MYO1E: variants seen among roughly 807,000 people sequenced by gnomAD.
MYO1E encodes myosin IE.
MYO1E carries 68 observed loss-of-function variants against 151.1 expected under a neutral mutation model. That is an observed-to-expected ratio of 0.45 (90% CI 0.37 to 0.55). MYO1E has a LOEUF of 0.55. MYO1E is among the 20% of genes least tolerant of loss of function. The pLI, the probability that MYO1E is intolerant of heterozygous loss-of-function variation, is 0.00. For missense variants in MYO1E, 1,363 were observed against 1,389.3 expected, an observed-to-expected ratio of 0.98 and a Z score of 0.30; for synonymous variants, 601 against 501.7, an observed-to-expected ratio of 1.20 and a Z score of -2.64.
At chr15:59,221,004 TATATA>T (rs2079952170) in intron 9 of MYO1E, among the ~76,000 whole-genome samples, 1 of 144,654 alleles carries the variant, frequency 6.9e-6, no homozygotes, top group Non-Finnish European at 1.5e-5. Flanking sequence ...TATAATTATA[TATATA>T]ATATATATAT....
intron 1 of MYO1E, among the ~76,000 whole-genome samples, chr15:59,319,550 C>CTTTTTTTTTCTTTTTTTTTTTTTTTT (rs2080611671): frequency 3.1e-5 from 2 of 63,680 alleles, no homozygotes; most frequent in Non-Finnish European, 3.6e-5. Context: ...GTCAAACTAC[C>CTTTTTTTTTCTTTTTTTTTTTTTTTT]TTTTTTTTTT....
chr15:59,287,990 G>T (rs1295011809), intron 1 of MYO1E, among the ~76,000 whole-genome samples: 1 of 152,242 alleles, frequency 6.6e-6, no homozygotes, highest in African/African-American at 2.4e-5. Context: ...GTGCAGCGAA[G>T]GCGCTCAGCG....
chr15:59,186,405 T>A (rs11631462), intron 18 of MYO1E, among the ~76,000 whole-genome samples: 94,871 of 142,080 alleles, frequency 0.67, 30,253 homozygotes, highest in Non-Finnish European at 0.71. Context: ...ATCTGAATTT[T>A]AAAAAAAAAA....
intron 26 of MYO1E, among the ~76,000 whole-genome samples, chr15:59,144,052 G>A (rs1399695531): frequency 3.9e-5 from 6 of 152,228 alleles, no homozygotes; most frequent in Non-Finnish European, 7.3e-5. Flanking sequence ...GCAGGAGGGG[G>A]ACGTGGGCTT....
In MYO1E at chr15:59,173,921, A is replaced by G. The variant is rs2079609884; in HGVS notation, c.2165-6T>C. On this transcript the variant is annotated splice_region_variant and splice_polypyrimidine_tract_variant and intron_variant, in intron 20 of 27. Transcript: ENST00000288235. ...GTTCAATAAGAGGTCTGAGGCTACA[A>G]TTCCCAAGAGGGTCAAGATGGAAGA... The G allele has an allele frequency of 1.2e-6, 2 of 1,614,070 alleles. No individual in the cohort carries two copies. Among genetic ancestry groups the G allele is most frequent in the Non-Finnish European group, 1.7e-6 (2 of 1,179,928 alleles).
chr15:59,191,455 C>G lies in MYO1E; in HGVS notation c.1806-3239G>C, dbSNP rs1330979204. On this transcript the variant is annotated intron_variant, in intron 17 of 27. Transcript: ENST00000288235. ...CTCACCCTCCAAATCTAAAACTCGC[C>G]ACTGGCCTTTTCTCTAGTGAGAAAA... is the stretch of plus-strand genomic sequence containing the variant. 4.6e-5 allele frequency among the ~76,000 whole-genome samples: 7 copies of G among 152,010 alleles called. No homozygotes were observed. The East Asian group carries it at 1.2e-3, about 25-fold the overall frequency.
At chr15:59,323,736 G>A (rs2080643650) in intron 1 of MYO1E, among the ~76,000 whole-genome samples, 1 of 152,118 alleles carries the variant, frequency 6.6e-6, no homozygotes, top group Admixed American at 6.5e-5. Context: ...ATGTTGCTGT[G>A]TGCTACAGGG....
At chr15:59,214,205 A>G (rs201262844) in intron 12 of MYO1E, 23 bp downstream of exon 12, 1 of 1,564,552 alleles carries the variant, frequency 6.4e-7, no homozygotes, top group African/African-American at 1.4e-5. Context: ...ATAGAATAGG[A>G]TGAAGGAAGA....
intron 1 of MYO1E, among the ~76,000 whole-genome samples, chr15:59,372,244 T>G (rs528871436): frequency 6.6e-6 from 1 of 152,092 alleles, no homozygotes; most frequent in South Asian, 2.1e-4. Flanking sequence ...CTGGCAGCCA[T>G]AGCAACCCGG....
chr15:59,230,096 GTT>G (rs2080017416), intron 6 of MYO1E, among the ~76,000 whole-genome samples: 1 of 152,084 alleles, frequency 6.6e-6, no homozygotes, highest in South Asian at 2.1e-4. Context: ...CCAATAGCGT[GTT>G]TTCTCGATTA....
At chr15:59,183,838 C>T (rs1279676929) in intron 18 of MYO1E, among the ~76,000 whole-genome samples, 1 of 152,170 alleles carries the variant, frequency 6.6e-6, no homozygotes, top group Non-Finnish European at 1.5e-5. Context: ...TCCCCCACTA[C>T]CCTTCCCAGC....
chr15:59,312,066 C>A (rs978978823), intron 1 of MYO1E, among the ~76,000 whole-genome samples: 3 of 152,204 alleles, frequency 2.0e-5, no homozygotes, highest in Non-Finnish European at 4.4e-5. Context: ...TGGACTACAA[C>A]ACTCAGCAAT....
intron 6 of MYO1E, among the ~76,000 whole-genome samples, chr15:59,229,487 T>G (rs1239836891): frequency 1.3e-5 from 2 of 152,210 alleles, no homozygotes; most frequent in African/African-American, 4.8e-5. Context: ...GACTGCTGTA[T>G]AGCAGCCTGG....
intron 2 of MYO1E, among the ~76,000 whole-genome samples, chr15:59,262,291 A>C (rs2080228699): frequency 6.6e-6 from 1 of 152,100 alleles, no homozygotes; most frequent in Admixed American, 6.5e-5. Context: ...TGTTCTCCAG[A>C]AGCTTAGAGG....
intron 2 of MYO1E, among the ~76,000 whole-genome samples, chr15:59,265,268 C>T (rs1287825109): frequency 1.3e-5 from 2 of 152,132 alleles, no homozygotes; most frequent in Non-Finnish European, 2.9e-5. Flanking sequence ...AAATTGATCA[C>T]TGCACACAAA....
intron 23 of MYO1E, among the ~76,000 whole-genome samples, chr15:59,161,682 G>T (rs1027157811): frequency 6.6e-6 from 1 of 152,144 alleles, no homozygotes; most frequent in Non-Finnish European, 1.5e-5. Flanking sequence ...ACCTGGCTTT[G>T]TTTAGTCCTG....
intron 19 of MYO1E, among the ~76,000 whole-genome samples, chr15:59,176,215 T>C (rs939610390): frequency 2.0e-5 from 3 of 151,798 alleles, no homozygotes; most frequent in Non-Finnish European, 2.9e-5. Context: ...CCCGCCACCA[T>C]GCCCGGCTAA....
rs1386689705 is a variant in MYO1E at position 59,137,280 on chromosome 15, G to A, written c.*100C>T. 3.7e-6 allele frequency: 4 copies of A among 1,087,430 alleles called. No homozygotes were observed. The highest frequency in any genetic ancestry group is 1.8e-5 in the Admixed American group (1 of 56,328). 67.4% of individuals were successfully genotyped at this position (1,087,430 alleles called of 1,614,324 possible). A position where few individuals can be genotyped will look rare whatever the true frequency, so the allele number is the denominator to read the frequency against. On this transcript the variant is annotated 3_prime_UTR_variant, in exon 28 of 28. Coordinates refer to ENST00000288235, the MANE Select transcript of MYO1E (RefSeq NM_004998.4). Reference sequence around the variant, plus strand: ...CAGAATAGCTCCAGGCCTTGGAGAAGCAATTGCTCATTGTGGATTGTAAGG... The same window carrying A: ...CAGAATAGCTCCAGGCCTTGGAGAAACAATTGCTCATTGTGGATTGTAAGG...
At chr15:59,195,420 A>G in intron 17 of MYO1E, 41 bp downstream of exon 17, 1 of 1,517,976 alleles carries the variant, frequency 6.6e-7, no homozygotes, top group Non-Finnish European at 9.1e-7. Context: ...GAGCAGAGGG[A>G]AAAAGGTCCC....
Sources: gnomAD v4.1 joint callset for allele counts (sites outside exome capture counted in the v4.1 genomes callset) on GRCh38, gnomAD v4.1.1 for gene constraint, MANE v1.5 for transcripts, NCBI Gene and HGNC (gene_info 2026-07-23, HGNC 2026-07-21) for gene names.